Variants in ZNF831 observed in about 807,000 individuals in gnomAD.
ZNF831 encodes the protein zinc finger protein 831.
A neutral mutation model predicts 95.8 loss-of-function variants in ZNF831; 59 were observed. That is an observed-to-expected ratio of 0.62 (90% CI 0.50 to 0.77). ZNF831 has a LOEUF of 0.77. ZNF831 is among the 30% of genes least tolerant of loss of function. The pLI is 0.00. For synonymous variants in ZNF831, 961 were observed against 925.5 expected (o/e 1.04, Z -0.70); for missense variants, 2,205 against 2,164.0 (o/e 1.02, Z -0.38).
intron 4 of ZNF831, among the ~76,000 whole-genome samples, chr20:59,237,103 C>T (rs1232249549): frequency 1.3e-5 from 2 of 152,182 alleles, no homozygotes; most frequent in African/African-American, 4.8e-5. Flanking sequence ...TAAGGTTTCT[C>T]ACCCAGAAAG....
chr20:59,135,954 A>G (rs971256166), intron 1 of ZNF831, among the ~76,000 whole-genome samples: 37 of 152,264 alleles, frequency 2.4e-4, no homozygotes, highest in African/African-American at 8.9e-4. Flanking sequence ...AGCTTGGGCA[A>G]CGGAGCAAGA....
At chr20:59,149,421 G>A (rs1218813471) in intron 2 of ZNF831, among the ~76,000 whole-genome samples, 1 of 152,222 alleles carries the variant, frequency 6.6e-6, no homozygotes, top group East Asian at 1.9e-4. Context: ...GCCCCATGTG[G>A]TTGGCGCCTT....
chr20:59,174,639 C>T (rs1249233554), intron 1 of ZNF831, among the ~76,000 whole-genome samples: 2 of 151,648 alleles, frequency 1.3e-5, no homozygotes, highest in South Asian at 2.1e-4. Context: ...TGCTTGAGCC[C>T]AGGAGGTTGA....
upstream of ZNF831, among the ~76,000 whole-genome samples, chr20:59,163,160 A>G (rs1400916202): frequency 6.6e-6 from 1 of 152,044 alleles, no homozygotes; most frequent in Non-Finnish European, 1.5e-5. Flanking sequence ...TCCTTAAACT[A>G]CTGAAGTCAT....
rs115867438 is a variant in ZNF831 at position 59,173,584 on chromosome 20, C to T, written c.-37+9377C>T. Among the ~76,000 whole-genome samples the T allele has an allele frequency of 2.0e-3, 310 of 152,292 alleles. 3 individuals are homozygous for T. The highest frequency in any genetic ancestry group is 6.8e-3 in the African/African-American group (282 of 41,546). ...CACATGTTCTAAATTGGCACTTTGCCGCAATTGACCACAGGTGATGGCTTT... is the reference window on the plus strand; with the variant it reads ...CACATGTTCTAAATTGGCACTTTGCTGCAATTGACCACAGGTGATGGCTTT... On this transcript the variant is annotated intron_variant, in intron 1 of 5. Coordinates refer to ENST00000371030, the MANE Select transcript of ZNF831 (RefSeq NM_178457.3).
chr20:59,131,784 T>A (rs1979358910), intron 1 of ZNF831, among the ~76,000 whole-genome samples: 1 of 152,218 alleles, frequency 6.6e-6, no homozygotes, highest in Admixed American at 6.5e-5. Flanking sequence ...TTGTGAGCCC[T>A]TGTCTCCAGG....
intron 4 of ZNF831, among the ~76,000 whole-genome samples, chr20:59,243,988 C>G (rs977368945): frequency 6.6e-6 from 1 of 152,100 alleles, no homozygotes; most frequent in African/African-American, 2.4e-5. Flanking sequence ...AATTTATCCT[C>G]TCTTTATTTT....
At chr20:59,185,580 T>C (rs1431942566) in intron 1 of ZNF831, among the ~76,000 whole-genome samples, 1 of 152,008 alleles carries the variant, frequency 6.6e-6, no homozygotes, top group African/African-American at 2.4e-5. Context: ...GGCCCCATTT[T>C]CCCAGTCACT....
intron 1 of ZNF831, among the ~76,000 whole-genome samples, chr20:59,131,232 G>A (rs1979343701): frequency 6.6e-6 from 1 of 152,158 alleles, no homozygotes; most frequent in Non-Finnish European, 1.5e-5. Flanking sequence ...CAGCTTTGTG[G>A]TCATCAGTAC....
intron 3 of ZNF831, among the ~76,000 whole-genome samples, chr20:59,196,494 G>T (rs970408619): frequency 3.3e-5 from 5 of 152,064 alleles, no homozygotes; most frequent in African/African-American, 1.2e-4. Context: ...CCAACAAACA[G>T]GAGGCCCTGT....
chr20:59,235,050 C>T (rs868566457), intron 4 of ZNF831, among the ~76,000 whole-genome samples: 3 of 152,142 alleles, frequency 2.0e-5, no homozygotes, highest in Admixed American at 6.5e-5. Context: ...CTCTCAGCCC[C>T]GGCTCTCAGT....
At chr20:59,129,890 A>G (rs1979296556) in intron 1 of ZNF831, among the ~76,000 whole-genome samples, 2 of 152,224 alleles carry the variant, frequency 1.3e-5, no homozygotes, top group African/African-American at 4.8e-5. Flanking sequence ...CTGGCTGAGT[A>G]GAACTCCATG....
At chr20:59,174,522 G>A (rs1295178980) in intron 1 of ZNF831, among the ~76,000 whole-genome samples, 1 of 152,166 alleles carries the variant, frequency 6.6e-6, no homozygotes, top group Non-Finnish European at 1.5e-5. Flanking sequence ...ATATCAGACA[G>A]TGTTATAATT....
chr20:59,194,823 C>T, intron 2 of ZNF831, 66 bp downstream of exon 2: 2 of 1,475,458 alleles, frequency 1.4e-6, no homozygotes, highest in Non-Finnish European at 1.8e-6. Flanking sequence ...TAAGACCTCT[C>T]ATGAGGGAAG....
intron 4 of ZNF831, among the ~76,000 whole-genome samples, chr20:59,250,323 G>T (rs1287024968): frequency 6.6e-6 from 1 of 152,114 alleles, no homozygotes; most frequent in Non-Finnish European, 1.5e-5. Context: ...CGGCAGCCTG[G>T]CTTCTATTTT....
rs1276902840 is a variant in ZNF831 at position 59,194,542 on chromosome 20, C to A, written c.3523C>A (p.Pro1175Thr). The A allele has an allele frequency of 6.2e-7, 1 of 1,605,990 alleles. No individual in the cohort carries two copies. Among genetic ancestry groups the A allele is most frequent in the Non-Finnish European group, 8.5e-7 (1 of 1,175,944 alleles). ...RSPHSTQNPF[P>T]SLKAEPRLTW... ...TCCCCACAGCACCCAAAACCCCTTTCCCTCACTGAAGGCTGAGCCGCGGCT... is the reference window on the plus strand; with the variant it reads ...TCCCCACAGCACCCAAAACCCCTTTACCTCACTGAAGGCTGAGCCGCGGCT... The change falls in exon 2 of 6, where the codon CCC (proline) becomes ACC (threonine). Residue 1175 changes from proline (P) to threonine (T), a missense_variant. By Grantham distance (38) the Pro-to-Thr change is conservative. Coordinates refer to ENST00000371030, the MANE Select transcript of ZNF831 (RefSeq NM_178457.3).
In ZNF831 at chr20:59,192,182, C is replaced by G. The variant is rs758287794; in HGVS notation, c.1163C>G (p.Ala388Gly). The part of the protein sequence containing the change: ...GPGPGPGVAG[A>G]EPGAREAGLE... ...GGCCCGGGGCCAGGGGTCGCAGGGGCCGAGCCCGGGGCGCGAGAAGCCGGC... is the reference window on the plus strand; with the variant it reads ...GGCCCGGGGCCAGGGGTCGCAGGGGGCGAGCCCGGGGCGCGAGAAGCCGGC... Residue 388 changes from alanine to glycine, a missense_variant, in exon 2 of 6, where the codon GCC becomes GGC. Ala to Gly is a moderately conservative substitution (Grantham distance 60). Transcript: ENST00000371030. The surrounding 1 kb of genome is among the most constrained non-coding windows in gnomAD (Gnocchi z 5.2). 6.4e-7 allele frequency: 1 copy of G among 1,568,628 alleles called. No homozygotes were observed. The highest frequency in any genetic ancestry group is 8.6e-7 in the Non-Finnish European group (1 of 1,160,078).
intron 3 of ZNF831, among the ~76,000 whole-genome samples, chr20:59,197,537 G>A (rs1209301576): frequency 6.6e-6 from 1 of 152,158 alleles, no homozygotes; most frequent in Non-Finnish European, 1.5e-5. Flanking sequence ...GATTTTTCTT[G>A]CAATGCTTGA....
At chr20:59,214,803 T>C (rs1177330387) in intron 4 of ZNF831, among the ~76,000 whole-genome samples, 1 of 152,218 alleles carries the variant, frequency 6.6e-6, no homozygotes, top group African/African-American at 2.4e-5. Flanking sequence ...ATGATTATTA[T>C]TCAGAATGTA....
Sources: allele counts gnomAD v4.1 joint callset (sites outside exome capture counted in the v4.1 genomes callset), GRCh38; gene constraint gnomAD v4.1.1; non-coding constraint Gnocchi (gnomAD v3.1); transcripts MANE v1.5; gene names NCBI Gene and HGNC (gene_info 2026-07-23, HGNC 2026-07-21).